The following GALNT15 variants were observed in gnomAD, a reference collection of about 807,000 sequenced individuals.
GALNT15 encodes polypeptide N-acetylgalactosaminyltransferase 15.
In GALNT15, 67 loss-of-function variants were observed where a neutral mutation model predicts 66.8. The observed-to-expected ratio is 1.00, with a 90% CI of 0.82 to 1.23. The LOEUF (loss-of-function observed/expected upper bound fraction) is 1.23, where lower values mean the gene tolerates loss of function less well. Among genes scored for constraint, GALNT15 ranks in the 50% most tolerant of loss-of-function variants. GALNT15 has a pLI of 0.00. For missense variants in GALNT15, 827 were observed against 804.3 expected (o/e 1.03, Z -0.34); for synonymous variants, 313 against 311.5 (o/e 1.00, Z -0.05).
At chr3:16,214,719 T>C (rs1026659628) in intron 6 of GALNT15, among the ~76,000 whole-genome samples, 5 of 152,154 alleles carry the variant, frequency 3.3e-5, no homozygotes, top group African/African-American at 1.2e-4. Flanking sequence ...GACAGGGTCA[T>C]GACAGACATC....
chr3:16,217,641 T>C (rs2063893828), intron 6 of GALNT15, among the ~76,000 whole-genome samples: 1 of 152,186 alleles, frequency 6.6e-6, no homozygotes, highest in South Asian at 2.1e-4. Context: ...GGAGCTGAAA[T>C]TTCCTTGTTT....
chr3:16,228,483 A>C lies in GALNT15; in HGVS notation c.*983A>C. On this transcript the variant is annotated 3_prime_UTR_variant, in exon 10 of 10. Coordinates refer to ENST00000339732, the MANE Select transcript of GALNT15 (RefSeq NM_054110.5). Reference sequence around the variant, plus strand: ...TTGCAAAACCTTGTCTCTACTAAAAATACAAAAATTAGCTGGGCATGGTGG... The same window carrying C: ...TTGCAAAACCTTGTCTCTACTAAAACTACAAAAATTAGCTGGGCATGGTGG... The C allele has an allele frequency of 1.7e-6, 1 of 591,746 alleles. No individual in the cohort carries two copies. The highest frequency in any genetic ancestry group is 2.1e-6 in the Non-Finnish European group (1 of 470,642). 36.7% of individuals were successfully genotyped at this position (591,746 alleles called of 1,614,324 possible). A position where few individuals can be genotyped will look rare whatever the true frequency, so the allele number is the denominator to read the frequency against.
At chr3:16,201,423 C>T (rs557226924) in intron 3 of GALNT15, among the ~76,000 whole-genome samples, 63 of 152,188 alleles carry the variant, frequency 4.1e-4, no homozygotes, top group African/African-American at 1.3e-3. Flanking sequence ...CTTCGTGATC[C>T]GCCCTCCTCA....
Position 16,175,099 on chromosome 3 carries a change from C to G in GALNT15, c.-53C>G. The G allele has an allele frequency of 6.5e-7, 1 of 1,536,948 alleles. No individual in the cohort carries two copies. Among genetic ancestry groups the G allele is most frequent in the African/African-American group, 1.4e-5 (1 of 73,600 alleles). ...GCTGCAAGCTTGAAGGAGCCTGGAG[C>G]GGGAGAAAGCTAACTTGAACATGAC... On this transcript the variant is annotated 5_prime_UTR_variant, in exon 1 of 10. Coordinates refer to ENST00000339732, the MANE Select transcript of GALNT15 (RefSeq NM_054110.5). This position sits in a 1 kb window ranked among gnomAD's most constrained non-coding sequence, Gnocchi z 5.6.
chr3:16,197,304 CT>C (rs1247336855), intron 2 of GALNT15, among the ~76,000 whole-genome samples: 1 of 152,216 alleles, frequency 6.6e-6, no homozygotes, highest in Non-Finnish European at 1.5e-5. Context: ...AAGCTGCCCC[CT>C]CCTGGCCAAC....
At chr3:16,218,694 C>G (rs1314872738) in intron 6 of GALNT15, among the ~76,000 whole-genome samples, 1 of 152,122 alleles carries the variant, frequency 6.6e-6, no homozygotes, top group Non-Finnish European at 1.5e-5. Context: ...GTTCCTGACT[C>G]CATGAGGCCC....
rs762760508 is a variant in GALNT15 at position 16,208,644 on chromosome 3, C to T, written c.1053C>T (p.Ala351=). The change falls in exon 4 of 10, where the codon GCC becomes GCT. Residue 351 remains alanine, a synonymous_variant. Coordinates refer to ENST00000339732, the MANE Select transcript of GALNT15 (RefSeq NM_054110.5). Reference sequence around the variant, plus strand: ...CTTTGCCAGAGCATGTGAGGAAGGCCCTCCAGTCCCCCATAAGCCCCATCA... The same window carrying T: ...CTTTGCCAGAGCATGTGAGGAAGGCTCTCCAGTCCCCCATAAGCCCCATCA... ...WEPLPEHVRK[A]LQSPISPIRS... is the part of the protein sequence containing the mutation. The T allele has an allele frequency of 7.4e-6, 12 of 1,614,030 alleles. No individual in the cohort carries two copies. Among genetic ancestry groups the T allele is most frequent in the Admixed American group, 1.7e-5 (1 of 60,014 alleles).
In GALNT15 at chr3:16,181,799, T is replaced by C. The variant is rs2063474532; in HGVS notation, c.539+6109T>C. ...ACAAGAGAGGGAAGACAACCCAGTA[T>C]GGGCAGTGTGAGTGGTGCTTATGGG... On this transcript the variant is annotated intron_variant, in intron 1 of 9. Coordinates refer to ENST00000339732, the MANE Select transcript of GALNT15 (RefSeq NM_054110.5). This position sits in a 1 kb window ranked among gnomAD's most constrained non-coding sequence, Gnocchi z 5.9. Among the ~76,000 whole-genome samples the C allele has an allele frequency of 6.6e-6, 1 of 152,112 alleles. No individual in the cohort carries two copies. The highest frequency in any genetic ancestry group is 2.4e-5 in the African/African-American group (1 of 41,424).
chr3:16,178,792 G>A (rs1428643046), intron 1 of GALNT15, among the ~76,000 whole-genome samples: 2 of 152,310 alleles, frequency 1.3e-5, no homozygotes, highest in East Asian at 1.9e-4. Flanking sequence ...GCCCTGCACC[G>A]CTGCTTTCCC....
Position 16,180,778 on chromosome 3 carries a change from G to A in GALNT15, c.539+5088G>A, listed in dbSNP as rs1203709518. Among the ~76,000 whole-genome samples the A allele has an allele frequency of 6.6e-6, 1 of 152,230 alleles. No homozygotes were observed. The highest frequency in any genetic ancestry group is 1.9e-4 in the East Asian group (1 of 5,198). ...GTCCCTAAACATAAATGTCAACTCA[G>A]CGGTAGCTGGCTGTGTGCTACCTGC... is the stretch of plus-strand genomic sequence containing the variant. On this transcript the variant is annotated intron_variant, in intron 1 of 9. Coordinates refer to ENST00000339732, the MANE Select transcript of GALNT15 (RefSeq NM_054110.5). This position sits in a 1 kb window ranked among gnomAD's most constrained non-coding sequence, Gnocchi z 5.0.
At chr3:16,218,393 C>T (rs771709756) in intron 6 of GALNT15, among the ~76,000 whole-genome samples, 1 of 152,154 alleles carries the variant, frequency 6.6e-6, no homozygotes, top group Admixed American at 6.5e-5. Context: ...CCATCCTTGT[C>T]ACCTCTCTCT....
chr3:16,199,044 G>A lies in GALNT15; in HGVS notation c.707-1575G>A, dbSNP rs928528117. ...CTGCACTAAGGGTTAGAGCAGAAGAGATGCATTAGGTACAACCCCTGTCCT... is the reference window on the plus strand; with the variant it reads ...CTGCACTAAGGGTTAGAGCAGAAGAAATGCATTAGGTACAACCCCTGTCCT... On this transcript the variant is annotated intron_variant, in intron 2 of 9. Transcript: ENST00000339732. Among the ~76,000 whole-genome samples the A allele has an allele frequency of 4.9e-5, 7 of 142,620 alleles. 1 individual carries two copies. The highest frequency in any genetic ancestry group is 1.1e-4 in the Non-Finnish European group (7 of 64,318). The allele number at this position is 142,620 out of a possible 152,430, so 93.6% of individuals were successfully genotyped here. A position where few individuals can be genotyped will look rare whatever the true frequency, so the allele number is the denominator to read the frequency against.
Position 16,187,373 on chromosome 3 carries a change from C to T in GALNT15, c.540-8387C>T, listed in dbSNP as rs2063528543. ...CTGCTGATCTCCCCTGGGTTCACCC[C>T]TGTGGCTGCCATCAGAGGGCGGCTG... On this transcript the variant is annotated intron_variant, in intron 1 of 9. Transcript: ENST00000339732. The surrounding 1 kb of genome is among the most constrained non-coding windows in gnomAD (Gnocchi z 5.1). Among the ~76,000 whole-genome samples, 1 of 152,256 alleles carries T rather than the reference C, an allele frequency of 6.6e-6. No homozygotes were observed. Among genetic ancestry groups the T allele is most frequent in the South Asian group, 2.1e-4 (1 of 4,834 alleles).
chr3:16,191,300 G>T lies in GALNT15; in HGVS notation c.540-4460G>T. On this transcript the variant is annotated intron_variant, in intron 1 of 9. Coordinates refer to ENST00000339732, the MANE Select transcript of GALNT15 (RefSeq NM_054110.5). The surrounding 1 kb of genome is among the most constrained non-coding windows in gnomAD (Gnocchi z 5.2). ...AGAATCAAGAACACACACTTTCAAG[G>T]CTGGAAGAGCCTGAGAGGTACCTCT... The T allele has an allele frequency of 1.0e-6, 1 of 984,634 alleles. No homozygotes were observed. 61.0% of individuals were successfully genotyped at this position (984,634 alleles called of 1,614,324 possible). A position where few individuals can be genotyped will look rare whatever the true frequency, so the allele number is the denominator to read the frequency against.
chr3:16,223,691 CTTTTT>C (rs11293776), intron 9 of GALNT15, among the ~76,000 whole-genome samples: 5 of 124,616 alleles, frequency 4.0e-5, no homozygotes, highest in South Asian at 2.6e-4. Context: ...TCAAAGAAGT[CTTTTT>C]TTTTTTTTTT....
rs753357098 is a variant in GALNT15 at position 16,195,836 on chromosome 3, A to C, written c.616A>C (p.Thr206Pro). The C allele has an allele frequency of 1.9e-6, 3 of 1,613,900 alleles. No homozygotes were observed. The South Asian group carries it at 3.3e-5, about 18-fold the overall frequency. Reference protein sequence around the residue: ...ILCFHDEAWSTLLRTVHSILD... With the variant: ...ILCFHDEAWSPLLRTVHSILD... ...CTGTTTCCATGATGAGGCCTGGTCC[A>C]CTCTCCTGCGGACTGTACACAGCAT... Residue 206 changes from threonine (T) to proline (P), a missense_variant, in exon 2 of 10, where the codon ACT (threonine) becomes CCT (proline). Thr to Pro is a conservative substitution (Grantham distance 38, BLOSUM62 -1). Transcript: ENST00000339732. This position sits in a 1 kb window ranked among gnomAD's most constrained non-coding sequence, Gnocchi z 4.6.
downstream of GALNT15, among the ~76,000 whole-genome samples, chr3:16,236,009 G>A (rs2064123095): frequency 6.7e-6 from 1 of 149,624 alleles, no homozygotes; most frequent in Non-Finnish European, 1.5e-5. Flanking sequence ...GGAGGCTGAG[G>A]CAGGAGAATC....
chr3:16,245,959 C>G, the GALNT15 span, among the ~76,000 whole-genome samples: 1 of 152,046 alleles, frequency 6.6e-6, no homozygotes, highest in South Asian at 2.1e-4. Context: ...AATGAATGAA[C>G]AGTAGAAGGA....
At position 16,208,635 on chromosome 3, in the gene GALNT15, G is replaced by A. The variant is rs1574987251; in HGVS notation, c.1044G>A (p.Val348=). 4 of 1,614,088 alleles carry A rather than the reference G, an allele frequency of 2.5e-6. No homozygotes were observed. The East Asian group carries it at 6.7e-5, about 27-fold the overall frequency. The part of the protein sequence containing the change: ...DFHWEPLPEH[V]RKALQSPISP... ...ACTGGGAACCTTTGCCAGAGCATGTGAGGAAGGCCCTCCAGTCCCCCATAA... is the reference window on the plus strand; with the variant it reads ...ACTGGGAACCTTTGCCAGAGCATGTAAGGAAGGCCCTCCAGTCCCCCATAA... Residue 348 remains valine (V), a synonymous_variant, in exon 4 of 10, where the codon GTG becomes GTA. Coordinates refer to ENST00000339732, the MANE Select transcript of GALNT15 (RefSeq NM_054110.5).
Sources: allele counts gnomAD v4.1 joint callset (sites outside exome capture counted in the v4.1 genomes callset), GRCh38; gene constraint gnomAD v4.1.1; non-coding constraint Gnocchi (gnomAD v3.1); transcripts MANE v1.5; gene names NCBI Gene and HGNC (gene_info 2026-07-23, HGNC 2026-07-21).